The following COL5A2 variants were observed in gnomAD, a reference collection of about 807,000 sequenced individuals.
COL5A2 encodes collagen alpha-2(V) chain.
Under a neutral mutation model 208.2 loss-of-function variants are expected in COL5A2, and 23 were observed. The observed-to-expected ratio is 0.11, with a 90% CI of 0.08 to 0.16. The LOEUF (loss-of-function observed/expected upper bound fraction) is 0.16, where lower values mean the gene tolerates loss of function less well. COL5A2 is among the 10% of genes least tolerant of loss of function. COL5A2 has a pLI of 1.00. For missense variants in COL5A2, 1,590 were observed against 1,956.4 expected, an observed-to-expected ratio of 0.81 and a Z score of 3.53; for synonymous variants, 625 against 628.5, an observed-to-expected ratio of 0.99 and a Z score of 0.08.
intron 1 of COL5A2, among the ~76,000 whole-genome samples, chr2:189,116,519 A>G (rs985146729): frequency 6.6e-6 from 1 of 152,208 alleles, no homozygotes; most frequent in East Asian, 1.9e-4. Flanking sequence ...CACCAGGGAT[A>G]CCTGAGGGGG....
chr2:189,320,167 G>T, the COL5A2 span, among the ~76,000 whole-genome samples: 1 of 152,108 alleles, frequency 6.6e-6, no homozygotes, highest in African/African-American at 2.4e-5. Context: ...CCATCTGTAC[G>T]TCACCATCAT....
the COL5A2 span, among the ~76,000 whole-genome samples, chr2:189,413,718 T>G: frequency 6.6e-6 from 1 of 151,432 alleles, no homozygotes; most frequent in Non-Finnish European, 1.5e-5. Context: ...AATCCCAGCA[T>G]TGAATCCATT....
At chr2:189,205,673 T>C (rs566735311) in intron 1 of COL5A2, among the ~76,000 whole-genome samples, 1 of 152,336 alleles carries the variant, frequency 6.6e-6, no homozygotes, top group African/African-American at 2.4e-5. Context: ...TAATTGCATA[T>C]AGGACACCTG....
chr2:189,159,871 C>T (rs912080581), intron 1 of COL5A2, among the ~76,000 whole-genome samples: 1 of 151,506 alleles, frequency 6.6e-6, no homozygotes, highest in Non-Finnish European at 1.5e-5. Context: ...CAGAGCGGGA[C>T]CCTGTCTCAA....
intron 53 of COL5A2, among the ~76,000 whole-genome samples, chr2:189,034,583 T>C (rs1170070385): frequency 1.3e-5 from 2 of 152,158 alleles, no homozygotes; most frequent in Non-Finnish European, 2.9e-5. Context: ...ATAAAGTATC[T>C]TGGATTAATT....
At chr2:189,228,371 G>C (rs1005411765), upstream of COL5A2, among the ~76,000 whole-genome samples, 5 of 151,550 alleles carry the variant, frequency 3.3e-5, no homozygotes, top group Admixed American at 6.6e-5. Flanking sequence ...AAAATTAATT[G>C]GCCTTTTGAA....
At chr2:189,040,932 T>A (rs1685547734) in intron 50 of COL5A2, among the ~76,000 whole-genome samples, 1 of 152,206 alleles carries the variant, frequency 6.6e-6, no homozygotes, top group South Asian at 2.1e-4. Flanking sequence ...TTAACAGTAT[T>A]GCTATGAAGG....
chr2:189,391,945 T>C, the COL5A2 span, among the ~76,000 whole-genome samples: 2 of 152,110 alleles, frequency 1.3e-5, no homozygotes, highest in Non-Finnish European at 2.9e-5. Context: ...GAAATGGTGT[T>C]TCTATTAGGG....
intron 43 of COL5A2, among the ~76,000 whole-genome samples, chr2:189,049,909 A>G (rs1685748791): frequency 6.6e-6 from 1 of 152,144 alleles, no homozygotes; most frequent in Non-Finnish European, 1.5e-5. Flanking sequence ...TGTTGGTTTC[A>G]TATTTCAACC....
At chr2:189,162,375 G>A (rs1159300297) in intron 1 of COL5A2, among the ~76,000 whole-genome samples, 2 of 152,160 alleles carry the variant, frequency 1.3e-5, no homozygotes, top group Non-Finnish European at 2.9e-5. Flanking sequence ...GTAGAGAAAA[G>A]CAAGTTGAAA....
the COL5A2 span, among the ~76,000 whole-genome samples, chr2:189,324,331 A>C: frequency 6.6e-6 from 1 of 152,232 alleles, no homozygotes; most frequent in Non-Finnish European, 1.5e-5. Flanking sequence ...TAATTAAACT[A>C]AATAGCTTCT....
chr2:189,153,134 G>A (rs761205084), intron 1 of COL5A2, among the ~76,000 whole-genome samples: 8 of 152,144 alleles, frequency 5.3e-5, no homozygotes, highest in Non-Finnish European at 7.4e-5. Context: ...AGTCAACCTA[G>A]CTAAACATTT....
chr2:189,267,532 A>G, the COL5A2 span, among the ~76,000 whole-genome samples: 1 of 152,176 alleles, frequency 6.6e-6, no homozygotes, highest in Non-Finnish European at 1.5e-5. Context: ...ATAGGAATAA[A>G]AGAGAACTAA....
At chr2:189,273,799 T>C in the COL5A2 span, among the ~76,000 whole-genome samples, 8 of 152,040 alleles carry the variant, frequency 5.3e-5, no homozygotes, top group African/African-American at 1.9e-4. Flanking sequence ...TATGAAAAAG[T>C]TGAAGTCATG....
the COL5A2 span, among the ~76,000 whole-genome samples, chr2:189,325,504 A>G: frequency 6.6e-6 from 1 of 151,894 alleles, no homozygotes. Flanking sequence ...ACACACATAC[A>G]CACATACACA....
chr2:189,401,124 T>C, the COL5A2 span, among the ~76,000 whole-genome samples: 103 of 152,284 alleles, frequency 6.8e-4, no homozygotes, highest in African/African-American at 2.3e-3. Flanking sequence ...ACGTGTGCCA[T>C]GGTGGTTTGC....
intron 1 of COL5A2, among the ~76,000 whole-genome samples, chr2:189,143,857 T>C (rs6434331): frequency 0.99 from 150,630 of 152,198 alleles, 74,559 homozygotes; most frequent in Middle Eastern, 1. Context: ...GACATTATAA[T>C]AACATAAAAA....
At chr2:189,259,426 A>G in the COL5A2 span, among the ~76,000 whole-genome samples, 1 of 152,222 alleles carries the variant, frequency 6.6e-6, no homozygotes, top group African/African-American at 2.4e-5. Flanking sequence ...TTTCCAAGAC[A>G]GCCTCAATTT....
rs372910621 is a variant in COL5A2, at chr2:189,179,589, C to T, written c.16G>A (p.Ala6Thr). 1.2e-6 allele frequency: 2 copies of T among 1,606,566 alleles called. No individual in the cohort carries two copies. Among genetic ancestry groups the T allele is most frequent in the African/African-American group, 2.7e-5 (2 of 74,808 alleles). ...AGAATGAGGAGAGGTCTTGCTTCCG[C>T]CCAGTTTGCCATCATGTCTAAATAT... MMANW[A>T]EARPLLILIV... Residue 6 changes from alanine (A) to threonine (T), a missense_variant, in exon 1 of 54, where the codon GCG becomes ACG. Transcript: ENST00000374866.
Sources: allele counts gnomAD v4.1 joint callset (sites outside exome capture counted in the v4.1 genomes callset), GRCh38; gene constraint gnomAD v4.1.1; transcripts MANE v1.5; gene names NCBI Gene and HGNC (gene_info 2026-07-23, HGNC 2026-07-21).